ATP11C: variants seen among roughly 807,000 people sequenced by gnomAD.
The protein encoded by ATP11C is ATPase phospholipid transporting 11C (ATP11C blood group), also known as phospholipid-transporting ATPase IG.
A neutral mutation model predicts 97.4 loss-of-function variants in ATP11C; 36 were observed. The observed-to-expected ratio is 0.37, with a 90% confidence interval of 0.28 to 0.49. The LOEUF is 0.49. ATP11C is among the 20% of genes least tolerant of loss of function. The pLI, the probability that ATP11C is intolerant of heterozygous loss-of-function variation, is 0.98. For synonymous variants in ATP11C, 275 were observed against 290.9 expected (o/e 0.95, Z 0.56); for missense variants, 730 against 824.6 (o/e 0.89, Z 1.40).
At chrX:139,801,078 T>C (rs1398566770) in intron 7 of ATP11C, among the ~76,000 whole-genome samples, 1 of 112,405 alleles carries the variant, frequency 8.9e-6, no homozygotes, top group Non-Finnish European at 1.9e-5. Flanking sequence ...AGGAATTCAA[T>C]CGTCTAAGGA....
rs2085449612 is a variant in ATP11C at position 139,932,198 on chromosome X, C to T, written c.-156G>A. On this transcript the variant is annotated 5_prime_UTR_variant, in exon 1 of 30. Transcript: ENST00000682941. ...CTCGCCGCCTGCCCCCCTCGGCTCT[C>T]CGCGCTCCCCCGCCCCCCAGCCGCC... 3.6e-6 allele frequency: 1 copy of T among 275,596 alleles called. No homozygotes were observed. Among genetic ancestry groups the T allele is most frequent in the Non-Finnish European group, 5.1e-6 (1 of 195,932 alleles). 22.7% of individuals were successfully genotyped at this position (275,596 alleles called of 1,213,427 possible).
intron 26 of ATP11C, among the ~76,000 whole-genome samples, chrX:139,742,169 G>A (rs1294973856): frequency 1.8e-5 from 2 of 111,327 alleles, no homozygotes; most frequent in African/African-American, 3.3e-5. Flanking sequence ...GGGGGGAGGC[G>A]TCCATTTCAA....
Position 139,783,004 on chromosome X carries a change from T to TA in ATP11C, c.1770+159dup, listed in dbSNP as rs1334664468. Among the ~76,000 whole-genome samples the TA allele has an allele frequency of 6.3e-5, 7 of 111,199 alleles. No individual in the cohort carries two copies. In the East Asian group the frequency reaches 1.7e-3, roughly 27 times the overall value. On this transcript the variant is annotated intron_variant, in intron 17 of 29. Coordinates refer to ENST00000682941, the MANE Select transcript of ATP11C (RefSeq NM_001353812.2). The stretch of plus-strand genomic sequence containing the variant: ...TCCAGGAAAATGTTTTATATTAAGA[T>TA]AAAAAAAAGTAATATTATCAAATCC...
rs139997538 is a variant in ATP11C, at chrX:139,872,061, G to A, written c.28-45238C>T. Among the ~76,000 whole-genome samples the A allele has an allele frequency of 3.0e-3, 328 of 110,629 alleles. 2 individuals carry two copies. Among genetic ancestry groups the A allele is most frequent in the African/African-American group, 8.8e-3 (269 of 30,401 alleles). Reference sequence around the variant, plus strand: ...ATAAAGCACCCTTCAGTCCCTATTTGGCTGACACAATTCAGGTATTTTAAG... The same window carrying A: ...ATAAAGCACCCTTCAGTCCCTATTTAGCTGACACAATTCAGGTATTTTAAG... On this transcript the variant is annotated intron_variant, in intron 1 of 29. Coordinates refer to ENST00000682941, the MANE Select transcript of ATP11C (RefSeq NM_001353812.2).
At chrX:139,826,220 G>A (rs886511498) in intron 2 of ATP11C, among the ~76,000 whole-genome samples, 7 of 110,901 alleles carry the variant, frequency 6.3e-5, no homozygotes, top group African/African-American at 2.0e-4. Context: ...CCTTTGGGAC[G>A]TAGGAGTCTA....
In ATP11C at chrX:139,802,323, C is replaced by T. The variant is rs897543909; in HGVS notation, c.572G>A (p.Arg191His). Residue 191 changes from arginine (R) to histidine (H), a missense_variant, in exon 7 of 30, where the codon CGT becomes CAT. Arg to His is a conservative substitution (Grantham distance 29). Coordinates refer to ENST00000682941, the MANE Select transcript of ATP11C (RefSeq NM_001353812.2). The part of the protein sequence containing the change: ...ESNCKTHYAV[R>H]DTIALCTAES... ...TGCTGTACACAGTGCAATGGTATCA[C>T]GTACTGCATAATGTGTCTAGTTGAA... The T allele has an allele frequency of 4.5e-5, 54 of 1,194,698 alleles. No homozygotes were observed. The highest frequency in any genetic ancestry group is 6.0e-5 in the Non-Finnish European group (53 of 881,446).
At chrX:139,931,724 T>TC (rs1490448749) in intron 1 of ATP11C, among the ~76,000 whole-genome samples, 1 of 104,820 alleles carries the variant, frequency 9.5e-6, no homozygotes, top group Non-Finnish European at 2.0e-5. Context: ...CCCCCACGAG[T>TC]CCCCCCCACC....
chrX:139,907,705 G>C (rs932206461), intron 1 of ATP11C, among the ~76,000 whole-genome samples: 11 of 108,610 alleles, frequency 1.0e-4, no homozygotes, highest in African/African-American at 3.4e-4. Context: ...CCGAGATTGC[G>C]CCACTGCACT....
intron 2 of ATP11C, among the ~76,000 whole-genome samples, chrX:139,824,814 C>T (rs976067624): frequency 6.3e-5 from 7 of 111,982 alleles, no homozygotes; most frequent in African/African-American, 2.3e-4. Flanking sequence ...TAAACAAAAG[C>T]GGCATCCAAT....
intron 1 of ATP11C, among the ~76,000 whole-genome samples, chrX:139,895,126 C>T (rs1443332261): frequency 1.8e-5 from 2 of 112,720 alleles, no homozygotes; most frequent in Non-Finnish European, 3.7e-5. Flanking sequence ...TGGAAAGTGA[C>T]AGTGAGGAAA....
intron 1 of ATP11C, among the ~76,000 whole-genome samples, chrX:139,861,319 A>G: frequency 8.9e-6 from 1 of 112,034 alleles, no homozygotes; most frequent in South Asian, 3.7e-4. Context: ...AAACATTTTA[A>G]ATTAAGTACA....
At chrX:139,833,353 G>A (rs1484516870) in intron 1 of ATP11C, among the ~76,000 whole-genome samples, 1 of 111,633 alleles carries the variant, frequency 9.0e-6, no homozygotes, top group Admixed American at 9.5e-5. Flanking sequence ...AGTTTCCATT[G>A]TGGAGCATGG....
chrX:139,893,233 G>GT (rs2084757281), intron 1 of ATP11C, among the ~76,000 whole-genome samples: 1 of 110,646 alleles, frequency 9.0e-6, no homozygotes, highest in Admixed American at 9.7e-5. Context: ...TTGGTTGTTT[G>GT]TTTTTTACTA....
intron 14 of ATP11C, among the ~76,000 whole-genome samples, chrX:139,787,471 T>C (rs2082599151): frequency 9.0e-6 from 1 of 111,183 alleles, no homozygotes; most frequent in Admixed American, 9.5e-5. Flanking sequence ...CTGATTTTTG[T>C]ATTTTTAGTA....
intron 1 of ATP11C, among the ~76,000 whole-genome samples, chrX:139,928,913 T>TTA (rs1357996031): frequency 8.9e-6 from 1 of 112,297 alleles, no homozygotes; most frequent in African/African-American, 3.2e-5. Flanking sequence ...TTTTGAATCT[T>TTA]TAGTATAAAA....
chrX:139,852,824 C>CA (rs2147960333), intron 1 of ATP11C, among the ~76,000 whole-genome samples: 1 of 110,564 alleles, frequency 9.0e-6, no homozygotes, highest in South Asian at 3.9e-4. Flanking sequence ...GAGGACAGCA[C>CA]GAGTGGGAAG....
chrX:139,924,737 TC>T (rs199878001), intron 1 of ATP11C, among the ~76,000 whole-genome samples: 1,213 of 111,596 alleles, frequency 0.011, 17 homozygotes, highest in African/African-American at 0.037. Flanking sequence ...CTAATAAGCT[TC>T]CCTAGTAGAC....
intron 1 of ATP11C, among the ~76,000 whole-genome samples, chrX:139,862,546 G>A (rs1261935658): frequency 8.9e-6 from 1 of 111,910 alleles, no homozygotes; most frequent in Admixed American, 9.5e-5. Context: ...ATTTTGTCAC[G>A]GAAGTCTTCT....
intron 1 of ATP11C, among the ~76,000 whole-genome samples, chrX:139,907,977 T>A (rs2085009865): frequency 9.0e-6 from 1 of 111,006 alleles, no homozygotes; most frequent in Admixed American, 9.7e-5. Context: ...TAGAACAGTG[T>A]CTGGCATGTG....
Sources: gnomAD v4.1 joint callset for allele counts (sites outside exome capture counted in the v4.1 genomes callset) on GRCh38, gnomAD v4.1.1 for gene constraint, MANE v1.5 for transcripts, NCBI Gene and HGNC (gene_info 2026-07-23, HGNC 2026-07-21) for gene names.